CYP11B1: variants seen among roughly 807,000 people sequenced by gnomAD.
CYP11B1 encodes the protein cytochrome P450 11B1, mitochondrial.
Under a neutral mutation model 48.3 loss-of-function variants are expected in CYP11B1, and 34 were observed. The observed-to-expected ratio is 0.70, with a 90% confidence interval of 0.54 to 0.94. CYP11B1 has a LOEUF of 0.94. CYP11B1 is among the 40% of genes least tolerant of loss of function. The probability of loss-of-function intolerance (pLI) is 0.00; values close to 1 mark genes in which losing one functional copy is unlikely to be tolerated. For missense variants in CYP11B1, 688 were observed against 657.4 expected (o/e 1.05, Z -0.51); for synonymous variants, 291 against 262.5 (o/e 1.11, Z -1.05).
chr8:142,879,330 C>CCCGG, intron 1 of CYP11B1, 143 bp from the exon 2 acceptor site: 1 of 1,605,822 alleles, frequency 6.2e-7, no homozygotes, highest in Non-Finnish European at 8.5e-7. Context: ...TTGCTGACTG[C>CCCGG]CCGGAACCTC....
chr8:142,877,834 T>C (rs7818826), intron 2 of CYP11B1: 871,132 of 1,520,396 alleles, frequency 0.57, 243,758 homozygotes, highest in East Asian at 0.83. Flanking sequence ...CAGCCACATT[T>C]CTGCAAAACT....
At chr8:142,878,798 T>C (rs1817046667) in intron 2 of CYP11B1, among the ~76,000 whole-genome samples, 1 of 152,156 alleles carries the variant, frequency 6.6e-6, no homozygotes, top group Non-Finnish European at 1.5e-5. Flanking sequence ...AAGGGCTCAT[T>C]GCTCTGCATC....
Position 142,876,885 on chromosome 8 carries a change from G to T in CYP11B1, c.596C>A (p.Ala199Asp). The T allele has an allele frequency of 6.2e-7, 1 of 1,614,180 alleles. No individual in the cohort carries two copies. The highest frequency in any genetic ancestry group is 8.5e-7 in the Non-Finnish European group (1 of 1,180,020). ...CTCTCCAAAAAGAGCCAAGTTGCTG[G>T]CTGCGGGGAGGATGCACTGCTGAGC... The part of the protein sequence containing the change: ...QPSIFHYTIE[A>D]SNLALFGERL... Residue 199 changes from alanine to aspartate, a missense_variant and splice_region_variant, in exon 4 of 9, where the codon GCC becomes GAC. Physicochemically the swap from Ala to Asp is moderately radical, Grantham distance 126 (BLOSUM62 -2). Coordinates refer to ENST00000292427, the MANE Select transcript of CYP11B1 (RefSeq NM_000497.4).
intron 2 of CYP11B1, among the ~76,000 whole-genome samples, chr8:142,878,038 C>T (rs1817015454): frequency 7.0e-6 from 1 of 141,940 alleles, no homozygotes; most frequent in Admixed American, 7.3e-5. Context: ...TGCACACACA[C>T]CACACATACA....
rs199688260 is a variant in CYP11B1, at chr8:142,875,067, C to G, written c.1288G>C (p.Asp430His). 6.2e-7 allele frequency: 1 copy of G among 1,614,252 alleles called. No individual in the cohort carries two copies. Among genetic ancestry groups the G allele is most frequent in the Non-Finnish European group, 8.5e-7 (1 of 1,180,046 alleles). ...PERYNPQRWL[D>H]IRGSGRNFYH... ...AAGTTCCTGCCGGAGCCCCTGATGTCTAGCCAGCGCTGGGGGTTATAGCGC... is the reference window on the plus strand; with the variant it reads ...AAGTTCCTGCCGGAGCCCCTGATGTGTAGCCAGCGCTGGGGGTTATAGCGC... The change falls in exon 8 of 9, where the codon GAC becomes CAC. Residue 430 changes from aspartate to histidine, a missense_variant. Asp to His is a moderately conservative substitution (Grantham distance 81). Transcript: ENST00000292427.
chr8:142,878,338 C>A (rs1054203502), intron 2 of CYP11B1, among the ~76,000 whole-genome samples: 1 of 152,156 alleles, frequency 6.6e-6, no homozygotes, highest in Non-Finnish European at 1.5e-5. Context: ...TGGGGGCTGT[C>A]GCCACTGTGA....
rs1816911820 is a variant in CYP11B1, at chr8:142,875,567, C to T, written c.1121+145G>A. 12 of 894,568 alleles carry T rather than the reference C, an allele frequency of 1.3e-5. 1 individual carries two copies. The highest frequency in any genetic ancestry group is 6.7e-5 in the South Asian group (4 of 60,120). The allele number at this position is 894,568 out of a possible 1,614,324, so 55.4% of individuals were successfully genotyped here. ...TCCAGAGAAAGAAGAGCTCCCTGTCCTTGAGGGGGAGGAAGAGCAGGTGCA... is the reference window on the plus strand; with the variant it reads ...TCCAGAGAAAGAAGAGCTCCCTGTCTTTGAGGGGGAGGAAGAGCAGGTGCA... On this transcript the variant is annotated intron_variant, in intron 6 of 8. Coordinates refer to ENST00000292427, the MANE Select transcript of CYP11B1 (RefSeq NM_000497.4).
chr8:142,874,017 T>A lies in CYP11B1; in HGVS notation c.*356A>T. On this transcript the variant is annotated 3_prime_UTR_variant, in exon 9 of 9. Transcript: ENST00000292427. ...GAAGAGGAACAGGGACATGTGAGAC[T>A]AGGCAGGAAGGCAAGGGACAAAACC... 2 of 375,014 alleles carry A rather than the reference T, an allele frequency of 5.3e-6. No homozygotes were observed. Among genetic ancestry groups the A allele is most frequent in the Non-Finnish European group, 1.0e-5 (2 of 195,480 alleles). 23.2% of individuals were successfully genotyped at this position (375,014 alleles called of 1,614,324 possible). A position where few individuals can be genotyped will look rare whatever the true frequency, so the allele number is the denominator to read the frequency against.
chr8:142,878,959 G>T, intron 2 of CYP11B1, 73 bp downstream of exon 2: 2 of 1,580,064 alleles, frequency 1.3e-6, no homozygotes, highest in Non-Finnish European at 1.7e-6. Flanking sequence ...TGTGCTTTTG[G>T]GTCCTGCCTC....
Position 142,876,854 on chromosome 8 carries a change from C to A in CYP11B1, c.627G>T (p.Leu209=), listed in dbSNP as rs1377203108. The change falls in exon 4 of 9, where the codon CTG becomes CTT. Residue 209 remains leucine, a synonymous_variant. Coordinates refer to ENST00000292427, the MANE Select transcript of CYP11B1 (RefSeq NM_000497.4). ...AACTGGGGCTGTGGCCAACCAGGCC[C>A]AGCCGCTCTCCAAAAAGAGCCAAGT... ...ASNLALFGER[L]GLVGHSPSSA... The A allele has an allele frequency of 1.2e-5, 19 of 1,614,068 alleles. No individual in the cohort carries two copies. Among genetic ancestry groups the A allele is most frequent in the Non-Finnish European group, 1.5e-5 (18 of 1,180,038 alleles).
rs4541 is a variant in CYP11B1, at chr8:142,875,277, G to T, written c.1157C>A (p.Ala386Glu). The T allele has an allele frequency of 2.0e-5, 32 of 1,611,808 alleles. No homozygotes were observed. Among genetic ancestry groups the T allele is most frequent in the Non-Finnish European group, 2.7e-5 (32 of 1,179,650 alleles). ...GTTCTGAAGCACCAAGTCTGAGCTCGCCACTCGCTCCAGAAACAGACCCAC... is the reference window on the plus strand; with the variant it reads ...GTTCTGAAGCACCAAGTCTGAGCTCTCCACTCGCTCCAGAAACAGACCCAC... ...YPVGLFLERV[A>E]SSDLVLQNYH... The change falls in exon 7 of 9, where the codon GCG becomes GAG. Residue 386 changes from alanine (A) to glutamate (E), a missense_variant. Ala to Glu is a moderately radical substitution (Grantham distance 107, BLOSUM62 -1). Transcript: ENST00000292427.
At chr8:142,876,483 C>T in intron 4 of CYP11B1, 88 bp from the exon 5 acceptor site, 1 of 1,541,974 alleles carries the variant, frequency 6.5e-7, no homozygotes. Flanking sequence ...GCCCCGACAC[C>T]CAAGTCTCCC....
At position 142,874,353 on chromosome 8, in the gene CYP11B1, C is replaced by T; in HGVS notation, c.*20G>A. 1 of 1,561,164 alleles carries T rather than the reference C, an allele frequency of 6.4e-7. No individual in the cohort carries two copies. The highest frequency in any genetic ancestry group is 1.7e-4 in the Middle Eastern group (1 of 5,958). ...AGGGAGGCTGGTGGCCAGGCTGGGACCCTGGGTGCAGAGACGTGATTAGTT... is the reference window on the plus strand; with the variant it reads ...AGGGAGGCTGGTGGCCAGGCTGGGATCCTGGGTGCAGAGACGTGATTAGTT... On this transcript the variant is annotated 3_prime_UTR_variant, in exon 9 of 9. Transcript: ENST00000292427.
At chr8:142,875,397 C>G (rs779712783) in intron 6 of CYP11B1, 85 bp from the exon 7 acceptor site, 10 of 1,410,948 alleles carry the variant, frequency 7.1e-6, no homozygotes. Flanking sequence ...GAAGAACCCG[C>G]AGAGGTCCCA....
chr8:142,877,932 A>C, intron 2 of CYP11B1: 1 of 965,518 alleles, frequency 1.0e-6, no homozygotes, highest in Non-Finnish European at 1.6e-6. Flanking sequence ...GCGCCCATGC[A>C]AGACCTCAAC....
Position 142,879,595 on chromosome 8 carries a change from C to T in CYP11B1, c.219G>A (p.Gln73=), listed in dbSNP as rs1779200977. 6.2e-7 allele frequency: 1 copy of T among 1,614,132 alleles called. No homozygotes were observed. Among genetic ancestry groups the T allele is most frequent in the African/African-American group, 1.3e-5 (1 of 74,954 alleles). The change falls in exon 1 of 9, where the codon CAG becomes CAA. Residue 73 remains glutamine, a synonymous_variant. Coordinates refer to ENST00000292427, the MANE Select transcript of CYP11B1 (RefSeq NM_000497.4). ...TTTACCTGAAAATGGGCCCTAGTTC[C>T]TGGAAGGTCTGGTGTACTTCCAGGT... The part of the protein sequence containing the change: ...DLHLEVHQTF[Q]ELGPIFRYDL...
In CYP11B1 at chr8:142,874,942, C is replaced by G. The variant is rs780198531; in HGVS notation, c.1398+15G>C. 6.2e-7 allele frequency: 1 copy of G among 1,612,228 alleles called. No homozygotes were observed. The highest frequency in any genetic ancestry group is 8.5e-7 in the Non-Finnish European group (1 of 1,179,858). On this transcript the variant is annotated intron_variant, in intron 8 of 8. Transcript: ENST00000292427. ...AGACCCCGCCCAGGCCCCTCCCCAG[C>G]CCGGGCCTGCTCACATGGTGCAGCA...
intron 1 of CYP11B1, 146 bp from the exon 2 acceptor site, chr8:142,879,333 G>A (rs368206668): frequency 2.7e-5 from 43 of 1,605,990 alleles, no homozygotes; most frequent in Middle Eastern, 3.3e-4. Context: ...CTGACTGCCC[G>A]GAACCTCTTA....
At chr8:142,876,219 T>G (rs777316392) in intron 5 of CYP11B1, 22 bp downstream of exon 5, 6 of 1,613,972 alleles carry the variant, frequency 3.7e-6, no homozygotes, top group Non-Finnish European at 5.1e-6. Flanking sequence ...CCTCTCTGGG[T>G]GGGGCTGGTT....
Sources: allele counts gnomAD v4.1 joint callset (sites outside exome capture counted in the v4.1 genomes callset), GRCh38; gene constraint gnomAD v4.1.1; transcripts MANE v1.5; gene names NCBI Gene and HGNC (gene_info 2026-07-23, HGNC 2026-07-21).